MYH6: variants seen among roughly 807,000 people sequenced by gnomAD.
The protein encoded by MYH6 is myosin-6.
Under a neutral mutation model 223.2 loss-of-function variants are expected in MYH6, and 126 were observed. That is an observed-to-expected ratio of 0.56 (90% confidence interval 0.49 to 0.65). The LOEUF (loss-of-function observed/expected upper bound fraction) is 0.65, where lower values mean the gene tolerates loss of function less well. Ranked by LOEUF, MYH6 falls within the 30% of genes least tolerant of loss-of-function variation. MYH6 has a pLI of 0.00. For missense variants in MYH6, 2,040 were observed against 2,536.4 expected (o/e 0.80, Z 4.20); for synonymous variants, 978 against 1,010.2 (o/e 0.97, Z 0.61).
In MYH6 at chr14:23,405,069, T is replaced by C. The variant is rs769506535; in HGVS notation, c.530+31A>G. 3.1e-5 allele frequency: 50 copies of C among 1,613,778 alleles called. No homozygotes were observed. The highest frequency in any genetic ancestry group is 4.1e-5 in the Non-Finnish European group (48 of 1,179,978). On this transcript the variant is annotated intron_variant, in intron 6 of 38. Transcript: ENST00000405093. The surrounding 1 kb of genome is among the most constrained non-coding windows in gnomAD (Gnocchi z 4.7). Reference sequence around the variant, plus strand: ...ATCAGCGTGTATGCCCCCAGCCCAGTCCCTTCTGTGGGAGGATGGCACTCG... The same window carrying C: ...ATCAGCGTGTATGCCCCCAGCCCAGCCCCTTCTGTGGGAGGATGGCACTCG...
At position 23,405,401 on chromosome 14, in the gene MYH6, G is replaced by C. The variant is rs762975801; in HGVS notation, c.346-22C>G. 1.9e-6 allele frequency: 3 copies of C among 1,613,974 alleles called. No individual in the cohort carries two copies. The highest frequency in any genetic ancestry group is 2.5e-6 in the Non-Finnish European group (3 of 1,179,946). ...AGGTCTGGAGCAGGAGACAAGGCTG[G>C]GCATGAGGTTGGTGGGGAGAGCCTG... is the stretch of plus-strand genomic sequence containing the variant. On this transcript the variant is annotated intron_variant, in intron 4 of 38. Transcript: ENST00000405093. This position sits in a 1 kb window ranked among gnomAD's most constrained non-coding sequence, Gnocchi z 4.7.
At position 23,397,943 on chromosome 14, in the gene MYH6, C is replaced by CTTCTTCTTCTTCTTCTTCTTCTTT. The variant is rs1566512368; in HGVS notation, c.1892-331_1892-330insAAAGAAGAAGAAGAAGAAGAAGAA. On this transcript the variant is annotated intron_variant, in intron 15 of 38. Transcript: ENST00000405093. ...TCCTCCTCCTCCTCCTCTTCTTCTT[C>CTTCTTCTTCTTCTTCTTCTTCTTT]TTCTTCTTCTTCTTCTTCTTCTTCT... 5.5e-3 allele frequency among the ~76,000 whole-genome samples: 320 copies of CTTCTTCTTCTTCTTCTTCTTCTTT among 58,048 alleles called. 2 individuals carry two copies. The highest frequency in any genetic ancestry group is 7.8e-3 in the Middle Eastern group (1 of 128). The allele number at this position is 58,048 out of a possible 152,430, so 38.1% of individuals were successfully genotyped here. A position where few individuals can be genotyped will look rare whatever the true frequency, so the allele number is the denominator to read the frequency against.
At chr14:23,397,372 A>G in intron 16 of MYH6, 115 bp from the exon 17 acceptor site, 2 of 1,300,226 alleles carry the variant, frequency 1.5e-6, no homozygotes, top group South Asian at 2.4e-5. Flanking sequence ...GGGCTGCCAC[A>G]TAATTTGTGA....
At chr14:23,392,170 T>C (rs1192890075) in intron 25 of MYH6, among the ~76,000 whole-genome samples, 1 of 151,306 alleles carries the variant, frequency 6.6e-6, no homozygotes, top group Non-Finnish European at 1.5e-5. Context: ...GGGAAGAATA[T>C]GAACAGAGCA....
At position 23,384,549 on chromosome 14, in the gene MYH6, G is replaced by A. The variant is rs111473291; in HGVS notation, c.5458C>T (p.Arg1820Trp). The change falls in exon 36 of 39, where the codon CGG becomes TGG. Residue 1820 changes from arginine to tryptophan, a missense_variant. By Grantham distance (101) the Arg-to-Trp change is moderately radical. Around this residue, in one of 4 missense-constraint regions of MYH6, gnomAD observed 1,203 missense variants for 1,400.2 expected, o/e 0.86. Coordinates refer to ENST00000405093, the MANE Select transcript of MYH6 (RefSeq NM_002471.4). ...GKKQLQKLEA[R>W]VRELEGELEA... ...AGCTCACCCTCCAGCTCCCGCACCC[G>A]CGCTTCCAGCTTCTGCAGCTGCTTC... 4.1e-5 allele frequency: 66 copies of A among 1,613,486 alleles called. No homozygotes were observed. The African/African-American group carries it at 5.3e-4, about 13-fold the overall frequency.
chr14:23,390,459 C>G lies in MYH6; in HGVS notation c.3343-13G>C. ...CCTCGATGCGTGCCTGGGTCAGACA[C>G]AAAGGGCTCAGACCCACCGCCTGGA... On this transcript the variant is annotated splice_polypyrimidine_tract_variant and intron_variant, in intron 25 of 38. Transcript: ENST00000405093. The G allele has an allele frequency of 1.2e-6, 2 of 1,612,220 alleles. No individual in the cohort carries two copies. Among genetic ancestry groups the G allele is most frequent in the South Asian group, 2.2e-5 (2 of 91,044 alleles).
At position 23,387,631 on chromosome 14, in the gene MYH6, C is replaced by T. The variant is rs1265332889; in HGVS notation, c.4548G>A (p.Glu1516=). Residue 1516 remains glutamate (E), a synonymous_variant, in exon 32 of 39, where the codon GAG becomes GAA. Coordinates refer to ENST00000405093, the MANE Select transcript of MYH6 (RefSeq NM_002471.4). The part of the protein sequence containing the change: ...NLQEEISDLT[E]QLGEGGKNVH... ...CATTCTTTCCTCCTTCTCCTAGCTG[C>T]TCAGTAAGGTCCGAGATTTCCTCTG... The T allele has an allele frequency of 6.2e-7, 1 of 1,614,102 alleles. No homozygotes were observed. The highest frequency in any genetic ancestry group is 8.5e-7 in the Non-Finnish European group (1 of 1,180,022).
At chr14:23,382,864 A>G (rs911616108) in intron 37 of MYH6, among the ~76,000 whole-genome samples, 4 of 152,126 alleles carry the variant, frequency 2.6e-5, no homozygotes, top group Non-Finnish European at 4.4e-5. Context: ...CAGGCATGCT[A>G]ATCAGCAACT....
rs376871389 is a variant in MYH6, at chr14:23,386,645, G to A, written c.4651-22C>T. ...AGGCCTGGGAAGGGGTGGGGCGAGGGCGGGCAGACAGGGCACAGGGCAGGG... is the reference window on the plus strand; with the variant it reads ...AGGCCTGGGAAGGGGTGGGGCGAGGACGGGCAGACAGGGCACAGGGCAGGG... On this transcript the variant is annotated intron_variant, in intron 32 of 38. Coordinates refer to ENST00000405093, the MANE Select transcript of MYH6 (RefSeq NM_002471.4). The A allele has an allele frequency of 3.7e-5, 56 of 1,530,006 alleles. No individual in the cohort carries two copies. In the African/African-American group the frequency reaches 7.0e-4, roughly 19 times the overall value. 94.8% of individuals were successfully genotyped at this position (1,530,006 alleles called of 1,614,324 possible). A position where few individuals can be genotyped will look rare whatever the true frequency, so the allele number is the denominator to read the frequency against.
Position 23,382,501 on chromosome 14 carries a change from G to C in MYH6, c.5723C>G (p.Ala1908Gly). Reference sequence around the variant, plus strand: ...CTCAGCGATGTCCGCCCGCTCCTCTGCCTCATCCAGCTCATGCTGCACCTT... The same window carrying C: ...CTCAGCGATGTCCGCCCGCTCCTCTCCCTCATCCAGCTCATGCTGCACCTT... ...FRKVQHELDE[A>G]EERADIAESQ... Residue 1908 changes from alanine to glycine, a missense_variant, in exon 38 of 39, where the codon GCA (alanine) becomes GGA (glycine). Coordinates refer to ENST00000405093, the MANE Select transcript of MYH6 (RefSeq NM_002471.4). 6.2e-7 allele frequency: 1 copy of C among 1,614,158 alleles called. No homozygotes were observed. The highest frequency in any genetic ancestry group is 8.5e-7 in the Non-Finnish European group (1 of 1,180,022).
In MYH6 at chr14:23,405,776, G is replaced by A. The variant is rs767062271; in HGVS notation, c.202-6C>T. ...TCCTCCTTCACAGTCACCGTCTGGA[G>A]GGGGCGCATAAGCAGGAGGATGAGT... is the stretch of plus-strand genomic sequence containing the variant. On this transcript the variant is annotated splice_region_variant and splice_polypyrimidine_tract_variant and intron_variant, in intron 3 of 38. Coordinates refer to ENST00000405093, the MANE Select transcript of MYH6 (RefSeq NM_002471.4). This position sits in a 1 kb window ranked among gnomAD's most constrained non-coding sequence, Gnocchi z 4.7. 1.9e-6 allele frequency: 3 copies of A among 1,614,000 alleles called. No homozygotes were observed. Among genetic ancestry groups the A allele is most frequent in the Non-Finnish European group, 1.7e-6 (2 of 1,180,030 alleles).
intron 3 of MYH6, among the ~76,000 whole-genome samples, chr14:23,406,422 T>C (rs762656105): frequency 2.0e-5 from 3 of 152,148 alleles, no homozygotes; most frequent in Admixed American, 6.5e-5. Flanking sequence ...CCCCAGGGGA[T>C]TGTGGCCTGT....
chr14:23,400,997 T>C lies in MYH6; in HGVS notation c.1142-20A>G. ...CAGCATCTGGTTGAGAGGGAAAGGA[T>C]AAGTGAGCACTTCCTTTTTTTTTTT... On this transcript the variant is annotated intron_variant, in intron 12 of 38. Coordinates refer to ENST00000405093, the MANE Select transcript of MYH6 (RefSeq NM_002471.4). 6.2e-7 allele frequency: 1 copy of C among 1,612,954 alleles called. No homozygotes were observed. Among genetic ancestry groups the C allele is most frequent in the East Asian group, 2.2e-5 (1 of 44,850 alleles).
Position 23,384,443 on chromosome 14 carries a change from T to C in MYH6, c.5564A>G (p.Gln1855Arg). 2 of 1,610,390 alleles carry C rather than the reference T, an allele frequency of 1.2e-6. No individual in the cohort carries two copies. Among genetic ancestry groups the C allele is most frequent in the Non-Finnish European group, 1.7e-6 (2 of 1,180,008 alleles). The part of the protein sequence containing the change: ...SERRIKELTY[Q>R]TEEDKKNLLR... ...CCTGGTGTCTGGCGTCCGCCGCACC[T>C]GGTAGGTGAGCTCCTTGATGCGCCG... Residue 1855 changes from glutamine to arginine, a missense_variant and splice_region_variant, in exon 36 of 39, where the codon CAG becomes CGG. Around this residue, in one of 4 missense-constraint regions of MYH6, gnomAD observed 1,203 missense variants for 1,400.2 expected, o/e 0.86. Coordinates refer to ENST00000405093, the MANE Select transcript of MYH6 (RefSeq NM_002471.4).
chr14:23,399,214 G>A (rs1187906803), intron 14 of MYH6, among the ~76,000 whole-genome samples, 177 bp from the exon 15 acceptor site: 1 of 152,136 alleles, frequency 6.6e-6, no homozygotes, highest in Non-Finnish European at 1.5e-5. Context: ...AATTTAAAAA[G>A]CCCCTTCCTC....
In MYH6 at chr14:23,400,824, A is replaced by G. The variant is rs779647429; in HGVS notation, c.1295T>C (p.Val432Ala). Residue 432 changes from valine to alanine, a missense_variant, in exon 13 of 39, where the codon GTG becomes GCG. Transcript: ENST00000405093. ...CATCCAGTTGAACATCTTCTCATAC[A>G]CTGCCTTGGCCAGAGCCCCGATGGA... ...YYSIGALAKA[V>A]YEKMFNWMVT... 2 of 1,614,136 alleles carry G rather than the reference A, an allele frequency of 1.2e-6. No homozygotes were observed. The highest frequency in any genetic ancestry group is 1.7e-6 in the Non-Finnish European group (2 of 1,180,026).
At position 23,382,457 on chromosome 14, in the gene MYH6, G is replaced by A. The variant is rs765861895; in HGVS notation, c.5767C>T (p.Arg1923Ter). The A allele has an allele frequency of 5.0e-6, 8 of 1,614,006 alleles. No individual in the cohort carries two copies. The highest frequency in any genetic ancestry group is 1.1e-5 in the South Asian group (1 of 91,082). ...GCACCAATGTCACGGCTCTTGGCTC[G>A]AAGCTTGTTGACCTGGGACTCAGCG... ...DIAESQVNKL[R>*]AKSRDIGAKQ... Residue 1923 changes from arginine to a stop codon, truncating the protein, a stop_gained, in exon 38 of 39, where the codon CGA (arginine) becomes TGA (stop). Coordinates refer to ENST00000405093, the MANE Select transcript of MYH6 (RefSeq NM_002471.4). LOFTEE classifies it high-confidence loss of function.
Position 23,396,681 on chromosome 14 carries a change from G to T in MYH6, c.2292+13C>A, listed in dbSNP as rs756105822. On this transcript the variant is annotated intron_variant, in intron 19 of 38. Coordinates refer to ENST00000405093, the MANE Select transcript of MYH6 (RefSeq NM_002471.4). ...ACCTGCCCTGCAACCACCCAGTGGG[G>T]CTCTAGACTCACCTTGGTGTGGCCA... is the stretch of plus-strand genomic sequence containing the variant. The T allele has an allele frequency of 1.9e-6, 3 of 1,613,914 alleles. No homozygotes were observed. The highest frequency in any genetic ancestry group is 2.7e-5 in the African/African-American group (2 of 74,946).
intron 8 of MYH6, 140 bp downstream of exon 8, chr14:23,404,156 C>G (rs1370210478): frequency 1.8e-5 from 20 of 1,089,042 alleles, no homozygotes; most frequent in Non-Finnish European, 2.7e-5. Flanking sequence ...GCTCCAAAGC[C>G]TATGCTCTCT....
Sources: gnomAD v4.1 joint callset for allele counts (sites outside exome capture counted in the v4.1 genomes callset) on GRCh38, gnomAD v4.1.1 for gene constraint, gnomAD v4.1.1 regional missense constraint, Gnocchi (gnomAD v3.1) non-coding constraint, MANE v1.5 for transcripts, NCBI Gene and HGNC (gene_info 2026-07-23, HGNC 2026-07-21) for gene names.